DBF4: variants seen among roughly 807,000 people sequenced by gnomAD.
The protein encoded by DBF4 is DBF4-CDC7 kinase regulatory subunit.
A neutral mutation model predicts 76.6 loss-of-function variants in DBF4; 25 were observed. That is an observed-to-expected ratio of 0.33 (90% CI 0.24 to 0.46). The LOEUF is 0.46. Ranked by LOEUF, DBF4 falls within the 20% of genes least tolerant of loss-of-function variation. DBF4 has a pLI of 1.00. For missense variants in DBF4, 638 were observed against 760.8 expected, an observed-to-expected ratio of 0.84 and a Z score of 1.90; for synonymous variants, 213 against 258.0, an observed-to-expected ratio of 0.83 and a Z score of 1.67.
At chr7:87,886,347 A>G (rs767463255) in intron 3 of DBF4, among the ~76,000 whole-genome samples, 4 of 152,064 alleles carry the variant, frequency 2.6e-5, no homozygotes, top group Admixed American at 6.5e-5. Flanking sequence ...CCTGGCCAAC[A>G]TAGTGAAACC....
chr7:87,900,373 GA>G, intron 9 of DBF4, 24 bp downstream of exon 9: 1 of 1,570,718 alleles, frequency 6.4e-7, no homozygotes, highest in Non-Finnish European at 8.6e-7. Context: ...TTTACTTTTA[GA>G]AGGAATATTC....
intron 2 of DBF4, among the ~76,000 whole-genome samples, chr7:87,882,122 A>G (rs960173884): frequency 8.5e-5 from 13 of 152,214 alleles, no homozygotes; most frequent in African/African-American, 3.1e-4. Flanking sequence ...TGGTACTAAC[A>G]TAAGAACAGA....
chr7:87,887,016 A>ATATTT (rs1298939628), intron 4 of DBF4, 122 bp downstream of exon 4: 9 of 690,292 alleles, frequency 1.3e-5, no homozygotes, highest in Non-Finnish European at 1.9e-5. Context: ...ATCTCAGCAT[A>ATATTT]TATTTTATTT....
At chr7:87,884,882 A>C (rs1839305791) in intron 2 of DBF4, 97 bp from the exon 3 acceptor site, 4 of 882,908 alleles carry the variant, frequency 4.5e-6, no homozygotes, top group Non-Finnish European at 6.9e-6. Flanking sequence ...GGCTGCAGTG[A>C]GCTATGATTG....
chr7:87,885,093 T>C lies in DBF4; in HGVS notation c.334T>C (p.Tyr112His). 6 of 1,613,812 alleles carry C rather than the reference T, an allele frequency of 3.7e-6. 1 individual carries two copies. The change falls in exon 3 of 12, where the codon TAT (tyrosine) becomes CAT (histidine). Residue 112 changes from tyrosine (Y) to histidine (H), a missense_variant. Physicochemically the swap from Tyr to His is moderately conservative, Grantham distance 83. Coordinates refer to ENST00000265728, the MANE Select transcript of DBF4 (RefSeq NM_006716.4). The part of the protein sequence containing the change: ...ISPVPSPESA[Y>H]TAETTSPHPS... ...TCCTGTACCAAGTCCAGAATCTGCA[T>C]ATACTGCAGAAACCACTTCACCTCA... is the stretch of plus-strand genomic sequence containing the variant.
intron 10 of DBF4, 106 bp downstream of exon 10, chr7:87,900,984 C>A: frequency 2.1e-6 from 2 of 931,722 alleles, no homozygotes; most frequent in Non-Finnish European, 3.3e-6. Context: ...TTTAAGAACT[C>A]AAGGGAGGAA....
chr7:87,876,802 C>T (rs368786614), intron 1 of DBF4, 24 bp downstream of exon 1: 118 of 1,613,190 alleles, frequency 7.3e-5, no homozygotes, highest in Non-Finnish European at 9.7e-5. Flanking sequence ...CCTCCGCCTG[C>T]AGTCCCTTTA....
At chr7:87,891,619 A>G (rs925156047) in intron 6 of DBF4, among the ~76,000 whole-genome samples, 20 of 152,154 alleles carry the variant, frequency 1.3e-4, no homozygotes, top group African/African-American at 4.3e-4. Context: ...GGGAACTGTA[A>G]TAATGTCCCC....
At chr7:87,894,356 A>G (rs961454526) in intron 6 of DBF4, among the ~76,000 whole-genome samples, 15 of 152,158 alleles carry the variant, frequency 9.9e-5, no homozygotes, top group African/African-American at 3.6e-4. Flanking sequence ...CCTGCTTAGG[A>G]GGCTGAGGTG....
At chr7:87,891,603 G>A (rs1269306399) in intron 6 of DBF4, among the ~76,000 whole-genome samples, 1 of 152,116 alleles carries the variant, frequency 6.6e-6, no homozygotes, top group Admixed American at 6.5e-5. Context: ...ACTTTGTAAT[G>A]TCTATGGGAA....
chr7:87,879,214 G>T (rs771551721), intron 2 of DBF4, among the ~76,000 whole-genome samples: 1 of 152,136 alleles, frequency 6.6e-6, no homozygotes, highest in African/African-American at 2.4e-5. Context: ...CTTCTAAAGC[G>T]CTGGGATTGC....
intron 6 of DBF4, among the ~76,000 whole-genome samples, chr7:87,888,768 A>G (rs1839421284): frequency 6.6e-6 from 1 of 152,164 alleles, no homozygotes; most frequent in South Asian, 2.1e-4. Context: ...TTTCCAAATC[A>G]TTTTGATACT....
chr7:87,886,512 G>A lies in DBF4; in HGVS notation c.400-332G>A, dbSNP rs1310324615. 2.3e-5 allele frequency among the ~76,000 whole-genome samples: 3 copies of A among 128,726 alleles called. No individual in the cohort carries two copies. In the East Asian group the frequency reaches 6.8e-4, roughly 29 times the overall value. The allele number at this position is 128,726 out of a possible 152,430, so 84.4% of individuals were successfully genotyped here. A position where few individuals can be genotyped will look rare whatever the true frequency, so the allele number is the denominator to read the frequency against. ...ATCACACCACTGTACTCTAGCTTGA[G>A]CGACACAGCAAGACTTTGTCTCCAA... is the stretch of plus-strand genomic sequence containing the variant. On this transcript the variant is annotated intron_variant, in intron 3 of 11. Coordinates refer to ENST00000265728, the MANE Select transcript of DBF4 (RefSeq NM_006716.4).
At chr7:87,893,289 A>G (rs1422825558) in intron 6 of DBF4, among the ~76,000 whole-genome samples, 2 of 133,330 alleles carry the variant, frequency 1.5e-5, no homozygotes, top group Admixed American at 1.7e-4. Flanking sequence ...CCCAGGCCGG[A>G]CTGTGGACTG....
At chr7:87,878,938 A>ATTTATT (rs1166061362) in intron 2 of DBF4, among the ~76,000 whole-genome samples, 1 of 152,000 alleles carries the variant, frequency 6.6e-6, no homozygotes, top group African/African-American at 2.4e-5. Context: ...TAACTTTTCA[A>ATTTATT]TTTATTTTTA....
At chr7:87,877,898 A>G (rs1258188382) in intron 1 of DBF4, among the ~76,000 whole-genome samples, 155 bp from the exon 2 acceptor site, 1 of 152,246 alleles carries the variant, frequency 6.6e-6, no homozygotes, top group Non-Finnish European at 1.5e-5. Context: ...TTTTGCCTCT[A>G]TCCTAAGTAG....
In DBF4 at chr7:87,909,418, C is replaced by A. The variant is rs968206457; in HGVS notation, c.*1255C>A. Reference sequence around the variant, plus strand: ...TATGATTCTCAGTACAGGACTAATTCATATGCTTTTCCTGCATACATTATT... The same window carrying A: ...TATGATTCTCAGTACAGGACTAATTAATATGCTTTTCCTGCATACATTATT... On this transcript the variant is annotated 3_prime_UTR_variant, in exon 12 of 12. Transcript: ENST00000265728. 10 of 152,128 alleles carry A rather than the reference C, an allele frequency of 6.6e-5. No individual in the cohort carries two copies. Among genetic ancestry groups the A allele is most frequent in the African/African-American group, 2.4e-4 (10 of 41,426 alleles). The allele number at this position is 152,128 out of a possible 1,614,324, so 9.4% of individuals were successfully genotyped here.
chr7:87,892,041 A>G (rs1352017224), intron 6 of DBF4, among the ~76,000 whole-genome samples: 1 of 152,234 alleles, frequency 6.6e-6, no homozygotes, highest in Admixed American at 6.5e-5. Context: ...CCTTGTCCTA[A>G]CATCCCACAC....
intron 8 of DBF4, among the ~76,000 whole-genome samples, chr7:87,899,378 G>A (rs1839712529): frequency 1.3e-5 from 2 of 152,016 alleles, no homozygotes; most frequent in African/African-American, 2.4e-5. Context: ...TCTAATAAAT[G>A]TTAATATCCA....
Sources: allele counts gnomAD v4.1 joint callset (sites outside exome capture counted in the v4.1 genomes callset), GRCh38; gene constraint gnomAD v4.1.1; transcripts MANE v1.5; gene names NCBI Gene and HGNC (gene_info 2026-07-23, HGNC 2026-07-21).